MACROD1: variants seen among roughly 807,000 people sequenced by gnomAD.
The protein encoded by MACROD1 is ADP-ribose glycohydrolase MACROD1.
MACROD1 carries 31 observed loss-of-function variants against 41.4 expected under a neutral mutation model. The observed-to-expected ratio is 0.75, with a 90% CI of 0.56 to 1.01. MACROD1 has a LOEUF of 1.01. Ranked by LOEUF, MACROD1 falls within the 50% of genes least tolerant of loss-of-function variation. The pLI is 0.00. For missense variants in MACROD1, 473 were observed against 460.0 expected (o/e 1.03, Z -0.26); for synonymous variants, 252 against 203.4 (o/e 1.24, Z -2.03).
chr11:64,060,599 C>A (rs375213403), intron 3 of MACROD1: 3 of 152,216 alleles, frequency 2.0e-5, no homozygotes, highest in Non-Finnish European at 4.4e-5. Context: ...CGCGCACAGC[C>A]TGAGGATTAG....
intron 3 of MACROD1, among the ~76,000 whole-genome samples, chr11:64,086,566 T>C (rs1169863945): frequency 6.6e-6 from 1 of 152,098 alleles, no homozygotes; most frequent in Non-Finnish European, 1.5e-5. Flanking sequence ...CCAGCCTTCC[T>C]CCTGCCTCCG....
At chr11:64,032,569 G>A (rs544257046) in intron 3 of MACROD1, among the ~76,000 whole-genome samples, 3 of 152,292 alleles carry the variant, frequency 2.0e-5, no homozygotes, top group Middle Eastern at 3.4e-3. Flanking sequence ...TGGGAGCCGG[G>A]AAGCTGGGGC....
chr11:64,046,751 A>T (rs1225554806), intron 3 of MACROD1, among the ~76,000 whole-genome samples: 2 of 152,094 alleles, frequency 1.3e-5, no homozygotes, highest in Non-Finnish European at 2.9e-5. Flanking sequence ...CGCCTGCCTC[A>T]ACGTCCCAAA....
At chr11:64,128,842 A>G (rs921513123) in intron 3 of MACROD1, among the ~76,000 whole-genome samples, 22 of 152,156 alleles carry the variant, frequency 1.4e-4, no homozygotes, top group Non-Finnish European at 2.5e-4. Flanking sequence ...AGATCCCCAG[A>G]GGGCACTTGT....
intron 3 of MACROD1, among the ~76,000 whole-genome samples, chr11:64,046,354 G>A (rs544793805): frequency 6.6e-6 from 1 of 152,320 alleles, no homozygotes; most frequent in Non-Finnish European, 1.5e-5. Context: ...GGCTTACAGA[G>A]GTGACAAAGG....
rs1487927742 is a variant in MACROD1 at position 64,120,623 on chromosome 11, T to C, written c.517+30616A>G. 1.3e-5 allele frequency among the ~76,000 whole-genome samples: 2 copies of C among 151,850 alleles called. No homozygotes were observed. The highest frequency in any genetic ancestry group is 2.9e-5 in the Non-Finnish European group (2 of 67,954). On this transcript the variant is annotated intron_variant, in intron 3 of 10. Coordinates refer to ENST00000255681, the MANE Select transcript of MACROD1 (RefSeq NM_014067.4). The surrounding 1 kb of genome is among the most constrained non-coding windows in gnomAD (Gnocchi z 4.5). Reference sequence around the variant, plus strand: ...TCGCTTGAACCAGGGAGGCAGAGGCTGCAGTGAACCGAGATTGCGCCACTG... The same window carrying C: ...TCGCTTGAACCAGGGAGGCAGAGGCCGCAGTGAACCGAGATTGCGCCACTG...
rs56095980 is a variant in MACROD1 at position 64,007,003 on chromosome 11, G to T, written c.548-6660C>A. Among the ~76,000 whole-genome samples, 344 of 152,298 alleles carry T rather than the reference G, an allele frequency of 2.3e-3. 2 individuals carry two copies. The highest frequency in any genetic ancestry group is 8.1e-3 in the African/African-American group (337 of 41,552). Reference sequence around the variant, plus strand: ...GAAGGCCTGGGGGCCTTTCCTTGGGGAAGGGCACGCATCCCCTGTCATAAA... The same window carrying T: ...GAAGGCCTGGGGGCCTTTCCTTGGGTAAGGGCACGCATCCCCTGTCATAAA... On this transcript the variant is annotated intron_variant, in intron 4 of 10. Coordinates refer to ENST00000255681, the MANE Select transcript of MACROD1 (RefSeq NM_014067.4).
At chr11:64,051,208 G>C (rs3897565) in intron 3 of MACROD1, among the ~76,000 whole-genome samples, 3,504 of 152,344 alleles carry the variant, frequency 0.023, 129 homozygotes, top group African/African-American at 0.077. Context: ...GGGGCCAGGG[G>C]TGCCAAGACA....
At chr11:64,107,584 G>A (rs376323798) in intron 3 of MACROD1, among the ~76,000 whole-genome samples, 1 of 152,252 alleles carries the variant, frequency 6.6e-6, no homozygotes, top group South Asian at 2.1e-4. Context: ...CATAATGCAT[G>A]CAGCATGAAA....
At chr11:64,016,917 C>G (rs1943089593) in intron 3 of MACROD1, among the ~76,000 whole-genome samples, 1 of 152,126 alleles carries the variant, frequency 6.6e-6, no homozygotes, top group Non-Finnish European at 1.5e-5. Flanking sequence ...AGGGGCGGGC[C>G]CCCCAGTGAC....
intron 3 of MACROD1, among the ~76,000 whole-genome samples, chr11:64,098,174 G>A (rs1033850395): frequency 2.6e-5 from 4 of 152,108 alleles, no homozygotes; most frequent in Admixed American, 6.5e-5. Context: ...GTCTGGTCAC[G>A]CTCCTCCATG....
At chr11:64,078,786 G>C (rs560850614) in intron 3 of MACROD1, among the ~76,000 whole-genome samples, 2 of 152,166 alleles carry the variant, frequency 1.3e-5, no homozygotes, top group East Asian at 1.9e-4. Context: ...GGTGACTGCA[G>C]GGGGGGAGGC....
In MACROD1 at chr11:64,070,023, A is replaced by C. The variant is rs1376066058; in HGVS notation, c.518-54742T>G. On this transcript the variant is annotated intron_variant, in intron 3 of 10. Coordinates refer to ENST00000255681, the MANE Select transcript of MACROD1 (RefSeq NM_014067.4). ...CTGGGGGACAGGCGGGGATGGTGAG[A>C]GGTGTCCGCCAGACCAGGCTCTGTG... Among the ~76,000 whole-genome samples, 3 of 152,234 alleles carry C rather than the reference A, an allele frequency of 2.0e-5. No homozygotes were observed. The East Asian group carries it at 5.8e-4, about 29-fold the overall frequency.
chr11:64,017,902 G>T (rs1256479266), intron 3 of MACROD1, among the ~76,000 whole-genome samples: 1 of 152,236 alleles, frequency 6.6e-6, no homozygotes, highest in Non-Finnish European at 1.5e-5. Flanking sequence ...GTAGGGGAGG[G>T]TTGCTGACCT....
At position 63,999,558 on chromosome 11, in the gene MACROD1, C is replaced by T. The variant is rs1215748340; in HGVS notation, c.789G>A (p.Ala263=). The T allele has an allele frequency of 1.2e-6, 2 of 1,610,116 alleles. No individual in the cohort carries two copies. The change falls in exon 7 of 11, where the codon GCG becomes GCA. Residue 263 remains alanine, a splice_region_variant and synonymous_variant. Coordinates refer to ENST00000255681, the MANE Select transcript of MACROD1 (RefSeq NM_014067.4). ...ACACGCCGGTGGAGATGCAGGGGAA[C>T]GCCTGGGCGGGGAGGGGTGAGAGGG... ...LLLEHRLRSV[A]FPCISTGVFG...
intron 3 of MACROD1, among the ~76,000 whole-genome samples, chr11:64,135,669 G>A (rs988953706): frequency 6.6e-6 from 1 of 152,184 alleles, no homozygotes; most frequent in Non-Finnish European, 1.5e-5. Flanking sequence ...AGGAGTCCTC[G>A]AGGGGCCCCT....
At position 64,090,577 on chromosome 11, in the gene MACROD1, G is replaced by A. The variant is rs1944471822; in HGVS notation, c.517+60662C>T. Reference sequence around the variant, plus strand: ...GCTGGGCCAGGAGGCTCCGGGATGAGGCAGGAAGTGGAGGCTGTGGCCAGC... The same window carrying A: ...GCTGGGCCAGGAGGCTCCGGGATGAAGCAGGAAGTGGAGGCTGTGGCCAGC... On this transcript the variant is annotated intron_variant, in intron 3 of 10. Transcript: ENST00000255681. This position sits in a 1 kb window ranked among gnomAD's most constrained non-coding sequence, Gnocchi z 4.7. Among the ~76,000 whole-genome samples, 2 of 152,208 alleles carry A rather than the reference G, an allele frequency of 1.3e-5. No homozygotes were observed. Among genetic ancestry groups the A allele is most frequent in the African/African-American group, 4.8e-5 (2 of 41,462 alleles).
Position 63,999,355 on chromosome 11 carries a change from C to A in MACROD1, c.867G>T (p.Glu289Asp). 2 of 1,589,898 alleles carry A rather than the reference C, an allele frequency of 1.3e-6. No homozygotes were observed. Among genetic ancestry groups the A allele is most frequent in the Admixed American group, 1.7e-5 (1 of 58,366 alleles). The change falls in exon 8 of 11, where the codon GAG (glutamate) becomes GAT (aspartate). Residue 289 changes from glutamate (E) to aspartate (D), a missense_variant. By Grantham distance (45) the Glu-to-Asp change is conservative. Transcript: ENST00000255681. ...AAEIVLATLR[E>D]WLEQHKDKVD... is the part of the protein sequence containing the mutation. The stretch of plus-strand genomic sequence containing the variant: ...CCTTGTCCTTGTGCTGCTCCAGCCA[C>A]TCTCGCAGCGTGGCCAGCACGATCT...
intron 3 of MACROD1, chr11:64,118,589 GTTGGGT>G (rs1362197536): frequency 6.5e-6 from 2 of 306,320 alleles, no homozygotes; most frequent in Non-Finnish European, 1.3e-5. Flanking sequence ...GCAGGGCTGG[GTTGGGT>G]TTTTTTTTTT....
Sources: allele counts gnomAD v4.1 joint callset (sites outside exome capture counted in the v4.1 genomes callset), GRCh38; gene constraint gnomAD v4.1.1; non-coding constraint Gnocchi (gnomAD v3.1); transcripts MANE v1.5; gene names NCBI Gene and HGNC (gene_info 2026-07-23, HGNC 2026-07-21).